ASTN2: variants seen among roughly 807,000 people sequenced by gnomAD.
The protein encoded by ASTN2 is astrotactin 2.
A neutral mutation model predicts 139.8 loss-of-function variants in ASTN2; 54 were observed. The observed-to-expected ratio is 0.39, with a 90% CI of 0.31 to 0.48. The LOEUF is 0.48. Ranked by LOEUF, ASTN2 falls within the 20% of genes least tolerant of loss-of-function variation. The probability of loss-of-function intolerance (pLI) is 0.95; values close to 1 mark genes in which losing one functional copy is unlikely to be tolerated. For missense variants in ASTN2, 1,565 were observed against 1,725.1 expected, an observed-to-expected ratio of 0.91 and a Z score of 1.64; for synonymous variants, 756 against 719.5, an observed-to-expected ratio of 1.05 and a Z score of -0.81.
chr9:116,922,884 T>C (rs1834651934), intron 10 of ASTN2, among the ~76,000 whole-genome samples: 1 of 152,184 alleles, frequency 6.6e-6, no homozygotes, highest in African/African-American at 2.4e-5. Flanking sequence ...TGCCTTTTTA[T>C]TCTGAAAATA....
intron 16 of ASTN2, among the ~76,000 whole-genome samples, chr9:116,724,132 A>G (rs928253038): frequency 6.6e-6 from 1 of 152,238 alleles, no homozygotes; most frequent in African/African-American, 2.4e-5. Context: ...TATGAAGCAA[A>G]TTAGTTATGT....
intron 3 of ASTN2, among the ~76,000 whole-genome samples, chr9:117,144,828 T>C (rs968597265): frequency 6.6e-6 from 1 of 151,576 alleles, no homozygotes; most frequent in African/African-American, 2.4e-5. Flanking sequence ...ATTATAGGCA[T>C]GCACCACCAT....
chr9:117,250,794 G>A (rs967761330), intron 2 of ASTN2, among the ~76,000 whole-genome samples: 2 of 152,190 alleles, frequency 1.3e-5, no homozygotes, highest in Non-Finnish European at 1.5e-5. Flanking sequence ...CACAGACTGA[G>A]AGAAGCATAT....
At chr9:116,603,405 G>T (rs933458370) in intron 19 of ASTN2, among the ~76,000 whole-genome samples, 4 of 152,196 alleles carry the variant, frequency 2.6e-5, no homozygotes, top group African/African-American at 9.6e-5. Context: ...AAAGTCTACA[G>T]TGTGGCCCAG....
At chr9:117,095,987 T>C (rs896624155) in intron 5 of ASTN2, 57 bp downstream of exon 5, 1 of 1,516,636 alleles carries the variant, frequency 6.6e-7, no homozygotes, top group African/African-American at 1.4e-5. Context: ...CAAAATCTGA[T>C]TTCCAGGATT....
chr9:116,955,821 T>C (rs1369980971), intron 10 of ASTN2, among the ~76,000 whole-genome samples: 1 of 152,242 alleles, frequency 6.6e-6, no homozygotes, highest in Non-Finnish European at 1.5e-5. Flanking sequence ...TTTTTTTCAG[T>C]GTACTGTGTA....
intron 19 of ASTN2, among the ~76,000 whole-genome samples, chr9:116,539,343 A>T (rs953828146): frequency 1.3e-5 from 2 of 151,940 alleles, no homozygotes; most frequent in Non-Finnish European, 2.9e-5. Flanking sequence ...TGGTATGTAA[A>T]TTATATTGCA....
chr9:117,044,745 G>T (rs1838682423), intron 5 of ASTN2, among the ~76,000 whole-genome samples: 1 of 152,282 alleles, frequency 6.6e-6, no homozygotes, highest in Admixed American at 6.5e-5. Context: ...TACGAATCCA[G>T]CCGATTTTTA....
intron 4 of ASTN2, among the ~76,000 whole-genome samples, chr9:117,104,998 T>G (rs1022292122): frequency 1.3e-5 from 2 of 152,152 alleles, no homozygotes; most frequent in Non-Finnish European, 2.9e-5. Flanking sequence ...TAACTCACTC[T>G]TCCAGGGAAG....
chr9:117,243,188 A>C lies in ASTN2; in HGVS notation c.631-28446T>G, dbSNP rs140180972. Among the ~76,000 whole-genome samples, 704 of 152,360 alleles carry C rather than the reference A, an allele frequency of 4.6e-3. 3 individuals are homozygous for C. The highest frequency in any genetic ancestry group is 0.01 in the Middle Eastern group (3 of 294). ...GCATAGCTAAGAAGTGGCAGAGCTG[A>C]GGAGTGATACTATGTTGTCTAACTC... On this transcript the variant is annotated intron_variant, in intron 2 of 22. Transcript: ENST00000313400.
At chr9:117,165,252 G>C (rs953839665) in intron 3 of ASTN2, among the ~76,000 whole-genome samples, 2 of 152,066 alleles carry the variant, frequency 1.3e-5, no homozygotes, top group Non-Finnish European at 2.9e-5. Context: ...AACATGCCTT[G>C]TATGATTTTA....
At chr9:116,955,676 G>C (rs1016687832) in intron 10 of ASTN2, among the ~76,000 whole-genome samples, 2 of 152,202 alleles carry the variant, frequency 1.3e-5, no homozygotes, top group Non-Finnish European at 2.9e-5. Context: ...TGAACCTCCT[G>C]CTGCTCTAGC....
chr9:116,631,280 G>A (rs1253671906), intron 17 of ASTN2, among the ~76,000 whole-genome samples: 2 of 152,186 alleles, frequency 1.3e-5, no homozygotes, highest in African/African-American at 4.8e-5. Flanking sequence ...GTTTATTGCA[G>A]TACTGTTAAC....
chr9:116,666,656 T>C (rs57962877), intron 16 of ASTN2, among the ~76,000 whole-genome samples: 6,230 of 152,184 alleles, frequency 0.041, 416 homozygotes, highest in African/African-American at 0.14. Context: ...TTTTATTTTA[T>C]GCATTTTAAA....
chr9:116,999,711 C>T (rs1306065567), intron 7 of ASTN2, among the ~76,000 whole-genome samples: 3 of 151,744 alleles, frequency 2.0e-5, no homozygotes, highest in Non-Finnish European at 4.4e-5. Flanking sequence ...GGGCATGTAC[C>T]ACCACGCTCA....
intron 2 of ASTN2, among the ~76,000 whole-genome samples, chr9:117,282,982 GTTTTTT>G (rs202218410): frequency 7.6e-6 from 1 of 130,938 alleles, no homozygotes; most frequent in Non-Finnish European, 1.6e-5. Context: ...TACTTCTACT[GTTTTTT>G]TTTTTTTTTG....
intron 10 of ASTN2, among the ~76,000 whole-genome samples, chr9:116,927,019 G>A (rs2132445192): frequency 6.6e-6 from 1 of 152,320 alleles, no homozygotes; most frequent in East Asian, 1.9e-4. Flanking sequence ...ACAAGTTTTA[G>A]AAAAACTAAT....
intron 10 of ASTN2, among the ~76,000 whole-genome samples, chr9:116,948,869 T>C (rs1437360038): frequency 3.7e-5 from 5 of 133,492 alleles, no homozygotes; most frequent in Non-Finnish European, 7.7e-5. Context: ...ATGGGCTCAC[T>C]GCAACCTCCA....
At chr9:116,476,371 T>G (rs1359238141) in intron 20 of ASTN2, among the ~76,000 whole-genome samples, 1 of 152,328 alleles carries the variant, frequency 6.6e-6, no homozygotes, top group East Asian at 1.9e-4. Flanking sequence ...TGTGAATTTT[T>G]CAAGGACACT....
Sources: allele counts gnomAD v4.1 joint callset (sites outside exome capture counted in the v4.1 genomes callset), GRCh38; gene constraint gnomAD v4.1.1; transcripts MANE v1.5; gene names NCBI Gene and HGNC (gene_info 2026-07-23, HGNC 2026-07-21).